Variants in RAPGEF4 observed in about 807,000 individuals in gnomAD.
RAPGEF4 encodes RAP guanine-nucleotide-exchange factor (GEF) 4.
A neutral mutation model predicts 147.9 loss-of-function variants in RAPGEF4; 66 were observed. The observed-to-expected ratio is 0.45, with a 90% CI of 0.37 to 0.55. The LOEUF (loss-of-function observed/expected upper bound fraction) is 0.55, where lower values mean the gene tolerates loss of function less well. Ranked by LOEUF, RAPGEF4 falls within the 20% of genes least tolerant of loss-of-function variation. RAPGEF4 has a pLI of 0.00. For synonymous variants in RAPGEF4, 419 were observed against 442.7 expected (o/e 0.95, Z 0.67); for missense variants, 1,071 against 1,257.3 (o/e 0.85, Z 2.24).
Position 172,961,131 on chromosome 2 carries a change from G to A in RAPGEF4, c.601G>A (p.Glu201Lys). 6.2e-7 allele frequency: 1 copy of A among 1,606,838 alleles called. No homozygotes were observed. Among genetic ancestry groups the A allele is most frequent in the South Asian group, 1.1e-5 (1 of 90,932 alleles). The change falls in exon 8 of 31, where the codon GAG becomes AAG. Residue 201 changes from glutamate to lysine, a missense_variant. Transcript: ENST00000397081. ...PANTITKVPS[E>K]KILRAGKILR... Reference sequence around the variant, plus strand: ...CCTGATTACAATCCAGGTCCCTTCAGAGAAGATCCTCAGAGCTGGAAAAAT... The same window carrying A: ...CCTGATTACAATCCAGGTCCCTTCAAAGAAGATCCTCAGAGCTGGAAAAAT...
intron 4 of RAPGEF4, among the ~76,000 whole-genome samples, chr2:172,838,955 T>C: frequency 6.6e-6 from 1 of 152,166 alleles, no homozygotes; most frequent in Non-Finnish European, 1.5e-5. Flanking sequence ...GTTTGGGCAA[T>C]AAGCAAGTTC....
chr2:172,860,044 G>C (rs1295718200), intron 4 of RAPGEF4: 2 of 985,272 alleles, frequency 2.0e-6, no homozygotes, highest in African/African-American at 3.5e-5. Flanking sequence ...CTTTAATTTA[G>C]ATTACCAATG....
intron 3 of RAPGEF4, among the ~76,000 whole-genome samples, chr2:172,812,471 A>G (rs1010959157): frequency 6.6e-6 from 1 of 152,210 alleles, no homozygotes; most frequent in Non-Finnish European, 1.5e-5. Flanking sequence ...TGTCTTTATT[A>G]CAAGAGTTGA....
At chr2:172,907,777 C>T (rs758410218) in intron 4 of RAPGEF4, among the ~76,000 whole-genome samples, 47 of 152,252 alleles carry the variant, frequency 3.1e-4, no homozygotes, top group Non-Finnish European at 5.6e-4. Context: ...ATCAAATATA[C>T]TGGGGTTCAC....
At chr2:172,844,357 G>A (rs1280670559) in intron 4 of RAPGEF4, among the ~76,000 whole-genome samples, 1 of 152,174 alleles carries the variant, frequency 6.6e-6, no homozygotes, top group African/African-American at 2.4e-5. Context: ...GGTGCCACTT[G>A]GGAGAATGGG....
At position 172,968,315 on chromosome 2, in the gene RAPGEF4, G is replaced by A. The variant is rs1027774735; in HGVS notation, c.1004+871G>A. Reference sequence around the variant, plus strand: ...TGTCAGCTCTGAGTCATGTTTGGCCGACCTTGGTGTATTAGTCTTGTATTA... The same window carrying A: ...TGTCAGCTCTGAGTCATGTTTGGCCAACCTTGGTGTATTAGTCTTGTATTA... On this transcript the variant is annotated intron_variant, in intron 10 of 30. Transcript: ENST00000397081. Among the ~76,000 whole-genome samples, 9 of 152,244 alleles carry A rather than the reference G, an allele frequency of 5.9e-5. No individual in the cohort carries two copies. The South Asian group carries it at 6.2e-4, about 11-fold the overall frequency.
At chr2:172,849,658 C>A (rs1692597168) in intron 4 of RAPGEF4, among the ~76,000 whole-genome samples, 1 of 152,078 alleles carries the variant, frequency 6.6e-6, no homozygotes. Context: ...TAGGACATGC[C>A]CTTTTCTGTC....
At chr2:172,870,034 GT>G (rs1438099088) in intron 4 of RAPGEF4, among the ~76,000 whole-genome samples, 1 of 152,138 alleles carries the variant, frequency 6.6e-6, no homozygotes, top group Non-Finnish European at 1.5e-5. Context: ...TAACCTGGGT[GT>G]GCTGCAGCAC....
At chr2:172,851,500 T>C (rs897109999) in intron 4 of RAPGEF4, among the ~76,000 whole-genome samples, 1 of 152,134 alleles carries the variant, frequency 6.6e-6, no homozygotes, top group Admixed American at 6.5e-5. Flanking sequence ...CACATGTATG[T>C]TCATCGCAGC....
intron 1 of RAPGEF4, among the ~76,000 whole-genome samples, chr2:172,761,842 G>A (rs984550257): frequency 4.6e-5 from 7 of 151,874 alleles, no homozygotes; most frequent in African/African-American, 1.2e-4. Context: ...TGCTGCTTTC[G>A]GCCTGGCATG....
At chr2:172,824,696 A>G (rs1390833989) in intron 4 of RAPGEF4, among the ~76,000 whole-genome samples, 1 of 152,222 alleles carries the variant, frequency 6.6e-6, no homozygotes, top group Non-Finnish European at 1.5e-5. Context: ...CCACCATCCC[A>G]CAAATGCACC....
intron 4 of RAPGEF4, among the ~76,000 whole-genome samples, chr2:172,873,238 A>T (rs1263560866): frequency 6.6e-6 from 1 of 152,220 alleles, no homozygotes; most frequent in African/African-American, 2.4e-5. Flanking sequence ...CTTTCTCAAG[A>T]TTCATCCAGT....
intron 1 of RAPGEF4, among the ~76,000 whole-genome samples, chr2:172,752,247 G>A (rs1695369119): frequency 6.6e-6 from 1 of 152,214 alleles, no homozygotes; most frequent in South Asian, 2.1e-4. Context: ...TTGGATCAGT[G>A]TCTTAGCCAG....
chr2:172,791,224 G>A (rs564401465), intron 1 of RAPGEF4, among the ~76,000 whole-genome samples: 1 of 152,334 alleles, frequency 6.6e-6, no homozygotes, highest in South Asian at 2.1e-4. Flanking sequence ...AGCAGAAGGA[G>A]TAGGCTCACC....
chr2:173,051,033 A>G (rs1575607723), intron 30 of RAPGEF4, among the ~76,000 whole-genome samples: 1 of 152,238 alleles, frequency 6.6e-6, no homozygotes, highest in Admixed American at 6.5e-5. Flanking sequence ...CAGAGCAGAT[A>G]GCATTAAAGA....
intron 3 of RAPGEF4, among the ~76,000 whole-genome samples, chr2:172,799,292 T>G (rs1024064196): frequency 2.6e-5 from 4 of 152,094 alleles, no homozygotes; most frequent in African/African-American, 9.7e-5. Context: ...AGTCCCCGAG[T>G]GGTTAAATAA....
At chr2:172,991,758 C>A (rs1484385466) in intron 15 of RAPGEF4, among the ~76,000 whole-genome samples, 1 of 152,042 alleles carries the variant, frequency 6.6e-6, no homozygotes, top group African/African-American at 2.4e-5. Flanking sequence ...CTTTGTTTGC[C>A]AAATAAGCAA....
chr2:172,814,510 C>T, intron 4 of RAPGEF4, 85 bp downstream of exon 4: 1 of 1,469,154 alleles, frequency 6.8e-7, no homozygotes, highest in Non-Finnish European at 9.5e-7. Context: ...TACAGTCAAG[C>T]CTTAATGTGT....
chr2:172,794,209 C>G (rs749129338), intron 1 of RAPGEF4, among the ~76,000 whole-genome samples: 16 of 151,936 alleles, frequency 1.1e-4, no homozygotes, highest in Non-Finnish European at 1.8e-4. Flanking sequence ...GAAACCCCAT[C>G]TCTACTAAAA....
Sources: gnomAD v4.1 joint callset for allele counts (sites outside exome capture counted in the v4.1 genomes callset) on GRCh38, gnomAD v4.1.1 for gene constraint, MANE v1.5 for transcripts, NCBI Gene and HGNC (gene_info 2026-07-23, HGNC 2026-07-21) for gene names.